ACAN: variants seen among roughly 807,000 people sequenced by gnomAD.
ACAN encodes the protein aggrecan, also known as aggrecan core protein.
Under a neutral mutation model 169.1 loss-of-function variants are expected in ACAN, and 47 were observed. The observed-to-expected ratio is 0.28, with a 90% CI of 0.22 to 0.35. The LOEUF is 0.35. ACAN is among the 10% of genes least tolerant of loss of function. The pLI is 1.00. For missense variants in ACAN, 2,716 were observed against 2,759.9 expected (o/e 0.98, Z 0.36); for synonymous variants, 1,115 against 1,112.2 (o/e 1.00, Z -0.05).
At chr15:88,852,452 T>C (rs1432516526) in intron 11 of ACAN, among the ~76,000 whole-genome samples, 1 of 152,178 alleles carries the variant, frequency 6.6e-6, no homozygotes, top group Non-Finnish European at 1.5e-5. Context: ...AGTCTGACTG[T>C]GACCTGTCTC....
chr15:88,823,757 T>G (rs764249595), intron 1 of ACAN, among the ~76,000 whole-genome samples: 14 of 146,644 alleles, frequency 9.5e-5, no homozygotes, highest in African/African-American at 1.3e-4. Context: ...AGCACACAGC[T>G]CAGCTCTGAG....
intron 1 of ACAN, among the ~76,000 whole-genome samples, chr15:88,824,810 T>G: frequency 6.7e-6 from 1 of 150,158 alleles, no homozygotes; most frequent in African/African-American, 2.5e-5. Flanking sequence ...GCCCGGGAGG[T>G]GGAGGTTGCA....
chr15:88,845,359 G>T (rs1450505890), intron 6 of ACAN, 146 bp from the exon 7 acceptor site: 1 of 1,226,584 alleles, frequency 8.2e-7, no homozygotes, highest in Non-Finnish European at 1.1e-6. Context: ...CCTGAAATGG[G>T]CTTGGCAAGG....
At chr15:88,809,676 C>T (rs879352443) in intron 1 of ACAN, among the ~76,000 whole-genome samples, 4 of 152,240 alleles carry the variant, frequency 2.6e-5, no homozygotes, top group African/African-American at 9.6e-5. Flanking sequence ...GTTCCCAGAA[C>T]GTGCTGCATC....
chr15:88,859,126 G>T lies in ACAN; in HGVS notation c.6541G>T (p.Ala2181Ser). The T allele has an allele frequency of 6.2e-7, 1 of 1,613,840 alleles. No individual in the cohort carries two copies. The highest frequency in any genetic ancestry group is 8.5e-7 in the Non-Finnish European group (1 of 1,179,900). ...STTTSDVGTE[A>S]PGLPSATPTA... Reference sequence around the variant, plus strand: ...CACCACCAGTGATGTGGGGACAGAGGCACCAGGCTTGCCTTCAGCCACTCC... The same window carrying T: ...CACCACCAGTGATGTGGGGACAGAGTCACCAGGCTTGCCTTCAGCCACTCC... The change falls in exon 12 of 19, where the codon GCA becomes TCA. Residue 2181 changes from alanine (A) to serine (S), a missense_variant. Transcript: ENST00000560601.
Position 88,845,561 on chromosome 15 carries a change from A to G in ACAN, c.1108A>G (p.Ile370Val), listed in dbSNP as rs1180913087. ...CTTTGGAGTGGGGGGTGAGGAGGAC[A>G]TCACCGTCCAGACAGTGACCTGGCC... ...NFFGVGGEED[I>V]TVQTVTWPDM... The change falls in exon 7 of 19, where the codon ATC (isoleucine) becomes GTC (valine). Residue 370 changes from isoleucine to valine, a missense_variant. By Grantham distance (29) the Ile-to-Val change is conservative. Coordinates refer to ENST00000560601, the MANE Select transcript of ACAN (RefSeq NM_001369268.1). 6.2e-7 allele frequency: 1 copy of G among 1,613,754 alleles called. No homozygotes were observed. The highest frequency in any genetic ancestry group is 1.3e-5 in the African/African-American group (1 of 74,940).
rs1425780921 is a variant in ACAN at position 88,854,898 on chromosome 15, T to C, written c.2313T>C (p.Ser771=). The C allele has an allele frequency of 6.4e-7, 1 of 1,557,924 alleles. No homozygotes were observed. The highest frequency in any genetic ancestry group is 8.6e-7 in the Non-Finnish European group (1 of 1,158,080). The part of the protein sequence containing the change: ...WPPTGAATEE[S]TEGPSATEVP... ...CCACTGGCGCAGCAACAGAGGAAAG[T>C]ACAGAAGGCCCTTCTGCAACTGAAG... The change falls in exon 12 of 19, where the codon AGT becomes AGC. Residue 771 remains serine, a synonymous_variant. Transcript: ENST00000560601.
At position 88,841,810 on chromosome 15, in the gene ACAN, G is replaced by A. The variant is rs1896668842; in HGVS notation, c.700G>A (p.Gly234Ser). 7.4e-6 allele frequency: 12 copies of A among 1,613,524 alleles called. No homozygotes were observed. The highest frequency in any genetic ancestry group is 9.3e-6 in the Non-Finnish European group (11 of 1,179,792). ...KDEFPGVRTY[G>S]IRDTNETYDV... ...TGAGTTTCCTGGTGTGAGGACGTAT[G>A]GCATCCGAGACACCAACGAGACCTA... is the stretch of plus-strand genomic sequence containing the variant. The change falls in exon 5 of 19, where the codon GGC (glycine) becomes AGC (serine). Residue 234 changes from glycine to serine, a missense_variant. Physicochemically the swap from Gly to Ser is moderately conservative, Grantham distance 56 (BLOSUM62 0). Transcript: ENST00000560601.
intron 9 of ACAN, 45 bp downstream of exon 9, chr15:88,848,083 G>A: frequency 1.9e-6 from 3 of 1,602,780 alleles, no homozygotes; most frequent in South Asian, 1.1e-5. Flanking sequence ...TGGGCAGGGG[G>A]TGGGCAGGGA....
In ACAN at chr15:88,869,093, T is replaced by C. The variant is rs1897327055; in HGVS notation, c.7060+764T>C. 6.6e-6 allele frequency among the ~76,000 whole-genome samples: 1 copy of C among 152,106 alleles called. No individual in the cohort carries two copies. The highest frequency in any genetic ancestry group is 2.1e-4 in the South Asian group (1 of 4,820). ...AAAAGGAGCTGTGCACCAGGAACCC[T>C]CCCAGGGACAGACTGAACCCTCAGC... is the stretch of plus-strand genomic sequence containing the variant. On this transcript the variant is annotated intron_variant, in intron 14 of 18. Transcript: ENST00000560601. The surrounding 1 kb of genome is among the most constrained non-coding windows in gnomAD (Gnocchi z 4.2).
chr15:88,819,943 G>C (rs1596116990), intron 1 of ACAN, among the ~76,000 whole-genome samples: 1 of 152,026 alleles, frequency 6.6e-6, no homozygotes, highest in African/African-American at 2.4e-5. Context: ...AGACCAATCC[G>C]GGTTTGAATT....
At chr15:88,865,000 C>A (rs4147339) in intron 13 of ACAN, among the ~76,000 whole-genome samples, 1 of 152,268 alleles carries the variant, frequency 6.6e-6, no homozygotes, top group Admixed American at 6.5e-5. Context: ...TAGGCAAAAG[C>A]TGGACAAGAT....
chr15:88,859,173 T>C lies in ACAN; in HGVS notation c.6588T>C (p.Thr2196=). ...SATPTASGDR[T]EISGDLSGHT... The stretch of plus-strand genomic sequence containing the variant: ...CTCCCACGGCTTCTGGAGACAGGAC[T>C]GAAATCAGCGGAGACCTGTCTGGTC... Residue 2196 remains threonine (T), a synonymous_variant, in exon 12 of 19, where the codon ACT becomes ACC. Transcript: ENST00000560601. 1 of 1,613,828 alleles carries C rather than the reference T, an allele frequency of 6.2e-7. No homozygotes were observed. The highest frequency in any genetic ancestry group is 8.5e-7 in the Non-Finnish European group (1 of 1,179,888).
In ACAN at chr15:88,861,536, A is replaced by T. The variant is rs559250410; in HGVS notation, c.6946+1097A>T. Among the ~76,000 whole-genome samples, 3 of 152,116 alleles carry T rather than the reference A, an allele frequency of 2.0e-5. No individual in the cohort carries two copies. The highest frequency in any genetic ancestry group is 6.5e-5 in the Admixed American group (1 of 15,284). ...CTGTATACATGGTACATATGCAGTA[A>T]CTATATATGTATATATAAACAGACG... On this transcript the variant is annotated intron_variant, in intron 13 of 18. Coordinates refer to ENST00000560601, the MANE Select transcript of ACAN (RefSeq NM_001369268.1). The surrounding 1 kb of genome is among the most constrained non-coding windows in gnomAD (Gnocchi z 6.3).
At position 88,838,856 on chromosome 15, in the gene ACAN, G is replaced by A. The variant is rs1896574862; in HGVS notation, c.264G>A (p.Val88=). The stretch of plus-strand genomic sequence containing the variant: ...AGGAGAAGGAGGTAGTGCTGCTGGT[G>A]GCCACTGAAGGGCGCGTGCGGGTCA... The part of the protein sequence containing the change: ...VSKEKEVVLL[V]ATEGRVRVNS... The change falls in exon 3 of 19, where the codon GTG becomes GTA. Residue 88 remains valine (V), a synonymous_variant. Coordinates refer to ENST00000560601, the MANE Select transcript of ACAN (RefSeq NM_001369268.1). This position sits in a 1 kb window ranked among gnomAD's most constrained non-coding sequence, Gnocchi z 5.1. 4 of 1,613,916 alleles carry A rather than the reference G, an allele frequency of 2.5e-6. No individual in the cohort carries two copies. Among genetic ancestry groups the A allele is most frequent in the Admixed American group, 1.7e-5 (1 of 60,000 alleles).
At position 88,874,831 on chromosome 15, in the gene ACAN, T is replaced by C; in HGVS notation, c.*350T>C. The C allele has an allele frequency of 2.7e-6, 1 of 368,224 alleles. No individual in the cohort carries two copies. Among genetic ancestry groups the C allele is most frequent in the Non-Finnish European group, 5.3e-6 (1 of 189,582 alleles). 22.8% of individuals were successfully genotyped at this position (368,224 alleles called of 1,614,324 possible). On this transcript the variant is annotated 3_prime_UTR_variant, in exon 19 of 19. Coordinates refer to ENST00000560601, the MANE Select transcript of ACAN (RefSeq NM_001369268.1). This position sits in a 1 kb window ranked among gnomAD's most constrained non-coding sequence, Gnocchi z 7.3. Reference sequence around the variant, plus strand: ...TTAAATAAAGAAGATTATTTTTGTTTCCTGACTTTATCCAAGAGCAGTGCA... The same window carrying C: ...TTAAATAAAGAAGATTATTTTTGTTCCCTGACTTTATCCAAGAGCAGTGCA...
chr15:88,815,206 C>T (rs1895909137), intron 1 of ACAN, among the ~76,000 whole-genome samples: 1 of 151,962 alleles, frequency 6.6e-6, no homozygotes, highest in Admixed American at 6.6e-5. Context: ...AGGGGAGGTC[C>T]TGTGGTAGCT....
At position 88,840,051 on chromosome 15, in the gene ACAN, C is replaced by A. The variant is rs1383254411; in HGVS notation, c.494C>A (p.Thr165Asn). Residue 165 changes from threonine (T) to asparagine (N), a missense_variant, in exon 4 of 19, where the codon ACC becomes AAC. By Grantham distance (65) the Thr-to-Asn change is moderately conservative. Around this residue, in one of 3 missense-constraint regions of ACAN, gnomAD observed 1,283 missense variants for 1,281.5 expected, o/e 1.00. Coordinates refer to ENST00000560601, the MANE Select transcript of ACAN (RefSeq NM_001369268.1). ...FHYRAISTRY[T>N]LDFDRAQRAC... ...TACAGAGCCATCTCTACACGCTACA[C>A]CCTCGACTTTGACAGGGCGCAGCGG... 2 of 1,603,066 alleles carry A rather than the reference C, an allele frequency of 1.2e-6. No homozygotes were observed. Among genetic ancestry groups the A allele is most frequent in the South Asian group, 2.3e-5 (2 of 88,886 alleles).
chr15:88,824,896 A>T (rs1195330351), intron 1 of ACAN, among the ~76,000 whole-genome samples: 1 of 152,122 alleles, frequency 6.6e-6, no homozygotes, highest in East Asian at 1.9e-4. Flanking sequence ...TGTCAAAAAA[A>T]AAAAAGCTAT....
Sources: gnomAD v4.1 joint callset for allele counts (sites outside exome capture counted in the v4.1 genomes callset) on GRCh38, gnomAD v4.1.1 for gene constraint, gnomAD v4.1.1 regional missense constraint, Gnocchi (gnomAD v3.1) non-coding constraint, MANE v1.5 for transcripts, NCBI Gene and HGNC (gene_info 2026-07-23, HGNC 2026-07-21) for gene names.